The following RBBP5 variants were observed in gnomAD, a reference collection of about 807,000 sequenced individuals.
The protein encoded by RBBP5 is RB binding protein 5, histone lysine methyltransferase complex subunit.
Under a neutral mutation model 72.2 loss-of-function variants are expected in RBBP5, and 5 were observed. That is an observed-to-expected ratio of 0.07 (90% CI 0.04 to 0.15). The LOEUF is 0.15. Ranked by LOEUF, RBBP5 falls within the 10% of genes least tolerant of loss-of-function variation. RBBP5 has a pLI of 1.00. For synonymous variants in RBBP5, 209 were observed against 237.2 expected (o/e 0.88, Z 1.09); for missense variants, 322 against 652.2 (o/e 0.49, Z 5.51).
rs373685093 is a variant in RBBP5 at position 205,115,842 on chromosome 1, A to G, written c.45+16T>C. The G allele has an allele frequency of 2.5e-6, 4 of 1,585,908 alleles. No homozygotes were observed. In the South Asian group the frequency reaches 3.5e-5, roughly 14 times the overall value. Reference sequence around the variant, plus strand: ...GTTACTATGTTCCTAAAATCACCACAATACTATACTCTTACCTCTGGATAG... The same window carrying G: ...GTTACTATGTTCCTAAAATCACCACGATACTATACTCTTACCTCTGGATAG... On this transcript the variant is annotated intron_variant, in intron 2 of 13. Transcript: ENST00000264515.
chr1:205,105,488 C>G (rs73081250), intron 3 of RBBP5, among the ~76,000 whole-genome samples: 5,026 of 152,248 alleles, frequency 0.033, 239 homozygotes, highest in African/African-American at 0.1. Context: ...TATATTTGAA[C>G]TTTCTGAAGT....
intron 6 of RBBP5, 110 bp from the exon 7 acceptor site, chr1:205,100,381 T>G (rs1368291991): frequency 1.2e-5 from 15 of 1,293,780 alleles, no homozygotes; most frequent in African/African-American, 1.5e-5. Flanking sequence ...AGTAATAGAC[T>G]AGAATATTTA....
intron 3 of RBBP5, among the ~76,000 whole-genome samples, chr1:205,113,997 T>G (rs1288652222): frequency 6.6e-6 from 1 of 152,206 alleles, no homozygotes; most frequent in Non-Finnish European, 1.5e-5. Flanking sequence ...ATTTGAATCT[T>G]TATTGCAAGA....
At chr1:205,104,199 G>A (rs1183507152) in intron 4 of RBBP5, among the ~76,000 whole-genome samples, 180 bp from the exon 5 acceptor site, 1 of 152,082 alleles carries the variant, frequency 6.6e-6, no homozygotes, top group Non-Finnish European at 1.5e-5. Flanking sequence ...AGTAAAATTA[G>A]TCTTGACAAA....
At chr1:205,100,299 C>G (rs2050957) in intron 6 of RBBP5, 28 bp from the exon 7 acceptor site, 31,238 of 1,610,318 alleles carry the variant, frequency 0.019, 505 homozygotes, top group East Asian at 0.057. Flanking sequence ...ATATCAACAC[C>G]AGAGGTCAGA....
At chr1:205,109,516 A>C (rs1485923923) in intron 3 of RBBP5, among the ~76,000 whole-genome samples, 1 of 151,990 alleles carries the variant, frequency 6.6e-6, no homozygotes, top group African/African-American at 2.4e-5. Flanking sequence ...ATAGAACAAA[A>C]TGTTAGCTAT....
intron 3 of RBBP5, among the ~76,000 whole-genome samples, chr1:205,111,206 T>C (rs1404524994): frequency 6.6e-6 from 1 of 152,280 alleles, no homozygotes; most frequent in African/African-American, 2.4e-5. Context: ...TCTGGAAGTC[T>C]ACTGTAATGA....
rs140548254 is a variant in RBBP5 at position 205,109,052 on chromosome 1, A to G, written c.219-3884T>C. 1.1e-3 allele frequency among the ~76,000 whole-genome samples: 165 copies of G among 152,286 alleles called. 1 individual carries two copies. Among genetic ancestry groups the G allele is most frequent in the African/African-American group, 3.7e-3 (153 of 41,560 alleles). On this transcript the variant is annotated intron_variant, in intron 3 of 13. Coordinates refer to ENST00000264515, the MANE Select transcript of RBBP5 (RefSeq NM_005057.4). ...GAACAGAGGAAGGCAGGGGTAAGCTAAGGTTATAAATATAGAGGGATTAAG... is the reference window on the plus strand; with the variant it reads ...GAACAGAGGAAGGCAGGGGTAAGCTGAGGTTATAAATATAGAGGGATTAAG...
At chr1:205,102,657 G>A (rs1488677400) in intron 5 of RBBP5, among the ~76,000 whole-genome samples, 1 of 152,086 alleles carries the variant, frequency 6.6e-6, no homozygotes, top group Admixed American at 6.6e-5. Flanking sequence ...TGGCTGAAAT[G>A]GTAAAATTTA....
chr1:205,102,371 G>A (rs1655866070), intron 5 of RBBP5, among the ~76,000 whole-genome samples: 1 of 152,188 alleles, frequency 6.6e-6, no homozygotes, highest in Non-Finnish European at 1.5e-5. Context: ...CATGGGTGAA[G>A]CTTGAGGACA....
chr1:205,104,909 A>G, intron 4 of RBBP5, 119 bp downstream of exon 4: 4 of 1,113,784 alleles, frequency 3.6e-6, no homozygotes, highest in Non-Finnish European at 5.1e-6. Flanking sequence ...TATTTTATGT[A>G]GAAGGTTTGA....
chr1:205,105,327 A>G (rs1656012602), intron 3 of RBBP5, among the ~76,000 whole-genome samples, 159 bp from the exon 4 acceptor site: 1 of 152,180 alleles, frequency 6.6e-6, no homozygotes, highest in Non-Finnish European at 1.5e-5. Flanking sequence ...TTTTCCAACT[A>G]GGCAATTAAT....
intron 3 of RBBP5, among the ~76,000 whole-genome samples, chr1:205,112,759 G>C (rs534077635): frequency 1.3e-5 from 2 of 152,068 alleles, no homozygotes; most frequent in African/African-American, 4.8e-5. Context: ...GAAAAATGTC[G>C]AGACAGTATT....
At chr1:205,101,565 T>C (rs1289813447) in intron 6 of RBBP5, 35 bp downstream of exon 6, 13 of 1,503,704 alleles carry the variant, frequency 8.6e-6, no homozygotes, top group Non-Finnish European at 1.2e-5. Flanking sequence ...TATTCACTCT[T>C]AAAACTGTCC....
chr1:205,093,660 G>A (rs1000853362), intron 13 of RBBP5, among the ~76,000 whole-genome samples: 5 of 149,926 alleles, frequency 3.3e-5, no homozygotes, highest in Non-Finnish European at 5.9e-5. Flanking sequence ...ATGTTGTCGG[G>A]AAAAAAATAT....
intron 5 of RBBP5, 21 bp from the exon 6 acceptor site, chr1:205,101,730 G>A (rs1170343144): frequency 2.6e-6 from 4 of 1,533,200 alleles, no homozygotes; most frequent in Non-Finnish European, 2.7e-6. Flanking sequence ...AAGGAGGGGG[G>A]AAAAAAGTAA....
At chr1:205,100,563 A>G (rs1655780113) in intron 6 of RBBP5, among the ~76,000 whole-genome samples, 1 of 151,956 alleles carries the variant, frequency 6.6e-6, no homozygotes, top group East Asian at 1.9e-4. Flanking sequence ...TGAAATGGAT[A>G]TAAATACTTC....
At chr1:205,120,566 G>A (rs1010983644) in intron 1 of RBBP5, among the ~76,000 whole-genome samples, 1 of 152,140 alleles carries the variant, frequency 6.6e-6, no homozygotes, top group African/African-American at 2.4e-5. Context: ...TGGATTGCTT[G>A]GGGCCAGGAG....
chr1:205,092,823 C>T (rs925473274), intron 13 of RBBP5, among the ~76,000 whole-genome samples: 1 of 152,214 alleles, frequency 6.6e-6, no homozygotes, highest in Admixed American at 6.5e-5. Context: ...CTCAAGAAAT[C>T]CTTCTGCCTC....
Sources: gnomAD v4.1 joint callset for allele counts (sites outside exome capture counted in the v4.1 genomes callset) on GRCh38, gnomAD v4.1.1 for gene constraint, MANE v1.5 for transcripts, NCBI Gene and HGNC (gene_info 2026-07-23, HGNC 2026-07-21) for gene names.